Variants in TMPRSS13 observed in about 807,000 individuals in gnomAD.
TMPRSS13 encodes the protein transmembrane serine protease 13.
Under a neutral mutation model 68.4 loss-of-function variants are expected in TMPRSS13, and 50 were observed. The ratio of observed to expected loss-of-function variants is 0.73; its 90% CI spans 0.58 to 0.93. The LOEUF (loss-of-function observed/expected upper bound fraction) is 0.93. TMPRSS13 is among the 40% of genes least tolerant of loss of function. The pLI is 0.00. For missense variants in TMPRSS13, 615 were observed against 729.2 expected (o/e 0.84, Z 1.80); for synonymous variants, 267 against 285.8 (o/e 0.93, Z 0.66).
rs190783363 is a variant in TMPRSS13, at chr11:117,915,782, C to G, written c.557-1268G>C. Among the ~76,000 whole-genome samples the G allele has an allele frequency of 7.0e-4, 106 of 152,320 alleles. No individual in the cohort carries two copies. The highest frequency in any genetic ancestry group is 2.4e-3 in the African/African-American group (100 of 41,568). ...CTTTAGTTCTATTCTGTGAGCCCAC[C>G]CGTGGGTGCCATCTCGCCCCTCCAT... On this transcript the variant is annotated intron_variant, in intron 3 of 12. Transcript: ENST00000524993. This position sits in a 1 kb window ranked among gnomAD's most constrained non-coding sequence, Gnocchi z 4.9.
At chr11:117,924,658 C>A (rs78264252) in intron 1 of TMPRSS13, among the ~76,000 whole-genome samples, 7,059 of 152,154 alleles carry the variant, frequency 0.046, 241 homozygotes, top group East Asian at 0.18. Context: ...GCAGGGGAGG[C>A]CTGAACCCTT....
intron 11 of TMPRSS13, 25 bp from the exon 12 acceptor site, chr11:117,903,832 G>C (rs752256341): frequency 6.2e-7 from 1 of 1,606,792 alleles, no homozygotes; most frequent in Non-Finnish European, 8.5e-7. Context: ...GGGCACATTC[G>C]CAGGATGGGA....
In TMPRSS13 at chr11:117,918,531, G is replaced by A. The variant is rs370946753; in HGVS notation, c.329C>T (p.Ala110Val). The change falls in exon 2 of 13, where the codon GCC (alanine) becomes GTC (valine). Residue 110 changes from alanine to valine, a missense_variant. Coordinates refer to ENST00000524993, the MANE Select transcript of TMPRSS13 (RefSeq NM_001077263.3). ...TCTGGTTGGGGAGGTTGTCACCGAG[G>A]CTGACCTGGCGGATGATGACCTGCC... The part of the protein sequence containing the change: ...SSGRSSSARS[A>V]SVTTSPTRVY... The A allele has an allele frequency of 9.9e-6, 16 of 1,614,242 alleles. No homozygotes were observed. The African/African-American group carries it at 2.1e-4, about 22-fold the overall frequency.
At position 117,909,915 on chromosome 11, in the gene TMPRSS13, C is replaced by A. The variant is rs1173708042; in HGVS notation, c.1000G>T (p.Asp334Tyr). The stretch of plus-strand genomic sequence containing the variant: ...CTCACTTGCCAAGGCCACTTGCTAT[C>A]CGAGGCCAGCGCCCCTCCCACGATC... ...GRIVGGALAS[D>Y]SKWPWQVSLH... is the part of the protein sequence containing the mutation. The change falls in exon 8 of 13, where the codon GAT becomes TAT. Residue 334 changes from aspartate to tyrosine, a missense_variant. Transcript: ENST00000524993. 3.1e-6 allele frequency: 5 copies of A among 1,614,056 alleles called. No individual in the cohort carries two copies. The highest frequency in any genetic ancestry group is 4.2e-6 in the Non-Finnish European group (5 of 1,180,030).
chr11:117,919,976 C>A (rs2057626644), intron 1 of TMPRSS13, among the ~76,000 whole-genome samples: 1 of 152,210 alleles, frequency 6.6e-6, no homozygotes, highest in Non-Finnish European at 1.5e-5. Flanking sequence ...CCTTGGGAAC[C>A]TGGGGATAGG....
At position 117,915,544 on chromosome 11, in the gene TMPRSS13, CT is replaced by C. The variant is rs1484540314; in HGVS notation, c.557-1031del. ...CCCGGGGAACCCTGGGCAGTCTCCC[CT>C]GGAGTGCTCATGGAGCCCCACGTGG... On this transcript the variant is annotated intron_variant, in intron 3 of 12. Coordinates refer to ENST00000524993, the MANE Select transcript of TMPRSS13 (RefSeq NM_001077263.3). This position sits in a 1 kb window ranked among gnomAD's most constrained non-coding sequence, Gnocchi z 4.9. Among the ~76,000 whole-genome samples the C allele has an allele frequency of 1.3e-5, 2 of 152,204 alleles. No homozygotes were observed. The highest frequency in any genetic ancestry group is 4.8e-5 in the African/African-American group (2 of 41,458).
chr11:117,925,132 C>A (rs968907022), intron 1 of TMPRSS13, among the ~76,000 whole-genome samples: 1 of 152,212 alleles, frequency 6.6e-6, no homozygotes, highest in Non-Finnish European at 1.5e-5. Context: ...CGTGGAGGTG[C>A]CTTGCAGACC....
chr11:117,904,900 T>C (rs1424757846), intron 10 of TMPRSS13, among the ~76,000 whole-genome samples: 5 of 101,788 alleles, frequency 4.9e-5, no homozygotes, highest in African/African-American at 7.4e-5. Context: ...TATATATATA[T>C]ATATTCTTAA....
At chr11:117,913,193 G>C (rs1027443467) in intron 5 of TMPRSS13, among the ~76,000 whole-genome samples, 2 of 152,224 alleles carry the variant, frequency 1.3e-5, no homozygotes, top group Admixed American at 1.3e-4. Flanking sequence ...TGTCTGGGCT[G>C]AAAATCAGAC....
chr11:117,921,059 C>A (rs1052816033), intron 1 of TMPRSS13, among the ~76,000 whole-genome samples: 1 of 152,162 alleles, frequency 6.6e-6, no homozygotes, highest in African/African-American at 2.4e-5. Flanking sequence ...CCCATTCCAA[C>A]CTCTTGACAG....
chr11:117,902,724 C>A (rs1048271848), intron 12 of TMPRSS13, among the ~76,000 whole-genome samples: 1 of 152,194 alleles, frequency 6.6e-6, no homozygotes, highest in Admixed American at 6.5e-5. Flanking sequence ...GGGGCTGGCA[C>A]CGAGGTGAGG....
chr11:117,913,595 C>CTG (rs199970429), intron 5 of TMPRSS13, among the ~76,000 whole-genome samples, 182 bp downstream of exon 5: 8,440 of 152,202 alleles, frequency 0.055, 345 homozygotes, highest in East Asian at 0.12. Flanking sequence ...CAATCTGCTC[C>CTG]AGACTCATAG....
At chr11:117,904,419 AGAT>A (rs1278045167) in intron 10 of TMPRSS13, among the ~76,000 whole-genome samples, 6 of 152,206 alleles carry the variant, frequency 3.9e-5, no homozygotes, top group Non-Finnish European at 8.8e-5. Flanking sequence ...AAGCACCCTC[AGAT>A]ACATGGCTTT....
At chr11:117,903,143 A>G in intron 12 of TMPRSS13, 2 of 1,342,704 alleles carry the variant, frequency 1.5e-6, no homozygotes, top group Non-Finnish European at 1.9e-6. Context: ...GTTCTCAGGG[A>G]GCATTCTGGT....
chr11:117,905,805 A>G (rs2057459259), intron 9 of TMPRSS13, 69 bp from the exon 10 acceptor site: 18 of 1,286,930 alleles, frequency 1.4e-5, no homozygotes, highest in Non-Finnish European at 2.0e-5. Context: ...AGGGAGAAGG[A>G]GCACAACCAC....
intron 5 of TMPRSS13, among the ~76,000 whole-genome samples, chr11:117,912,237 G>GCA (rs1357806291): frequency 6.6e-6 from 1 of 152,196 alleles, no homozygotes; most frequent in African/African-American, 2.4e-5. Flanking sequence ...TGATGCTGAT[G>GCA]CACACTCAAG....
intron 1 of TMPRSS13, 106 bp from the exon 2 acceptor site, chr11:117,918,944 G>A: frequency 1.3e-6 from 2 of 1,487,744 alleles, no homozygotes; most frequent in Non-Finnish European, 1.8e-6. Flanking sequence ...AGCAGCTAGG[G>A]GTTGAGCAAA....
intron 1 of TMPRSS13, among the ~76,000 whole-genome samples, chr11:117,920,701 C>A (rs2057636237): frequency 6.6e-6 from 1 of 152,112 alleles, no homozygotes; most frequent in Non-Finnish European, 1.5e-5. Context: ...GTTGGCCAGG[C>A]TGGTCTCAAA....
chr11:117,912,053 C>T (rs1442124955), intron 5 of TMPRSS13, among the ~76,000 whole-genome samples, 193 bp from the exon 6 acceptor site: 1 of 152,176 alleles, frequency 6.6e-6, no homozygotes, highest in African/African-American at 2.4e-5. Flanking sequence ...ACCACTGCCC[C>T]TTATCTCCCC....
Sources: allele counts gnomAD v4.1 joint callset (sites outside exome capture counted in the v4.1 genomes callset), GRCh38; gene constraint gnomAD v4.1.1; non-coding constraint Gnocchi (gnomAD v3.1); transcripts MANE v1.5; gene names NCBI Gene and HGNC (gene_info 2026-07-23, HGNC 2026-07-21).